FARP1: variants seen among roughly 807,000 people sequenced by gnomAD.
FARP1 encodes the protein FERM, ARHGEF and pleckstrin domain-containing protein 1.
Under a neutral mutation model 128.8 loss-of-function variants are expected in FARP1, and 52 were observed. That is an observed-to-expected ratio of 0.40 (90% CI 0.32 to 0.51). The LOEUF is 0.51. Ranked by LOEUF, FARP1 falls within the 20% of genes least tolerant of loss-of-function variation. FARP1 has a pLI of 0.45. For synonymous variants in FARP1, 580 were observed against 551.8 expected, an observed-to-expected ratio of 1.05 and a Z score of -0.72; for missense variants, 1,333 against 1,367.9, an observed-to-expected ratio of 0.97 and a Z score of 0.40.
At chr13:98,395,100 C>A in intron 12 of FARP1, 127 bp from the exon 13 acceptor site, 1 of 1,131,208 alleles carries the variant, frequency 8.8e-7, no homozygotes, top group Non-Finnish European at 1.2e-6. Context: ...CCAGAGAGCT[C>A]CGGGGCAGTT....
chr13:98,401,305 G>A (rs1890751423), intron 13 of FARP1: 1 of 151,982 alleles, frequency 6.6e-6, no homozygotes, highest in Admixed American at 6.6e-5. Flanking sequence ...GTGAGCACAT[G>A]TACACACCTC....
At chr13:98,273,426 A>C (rs1355079632) in intron 2 of FARP1, among the ~76,000 whole-genome samples, 1 of 152,062 alleles carries the variant, frequency 6.6e-6, no homozygotes, top group East Asian at 1.9e-4. Flanking sequence ...TTGTGCCTAA[A>C]CTCCAAAAGG....
At chr13:98,365,140 C>T (rs1488354391) in intron 3 of FARP1, among the ~76,000 whole-genome samples, 1 of 152,110 alleles carries the variant, frequency 6.6e-6, no homozygotes, top group African/African-American at 2.4e-5. Context: ...GAATAGAAAA[C>T]TTCTTAGTTA....
chr13:98,309,404 C>T (rs1252261013), intron 2 of FARP1, among the ~76,000 whole-genome samples: 2 of 150,628 alleles, frequency 1.3e-5, no homozygotes, highest in East Asian at 2.0e-4. Context: ...CTCCTGACCT[C>T]GTGATCCGCC....
chr13:98,185,935 T>G (rs1594245076), intron 1 of FARP1, among the ~76,000 whole-genome samples: 1 of 152,114 alleles, frequency 6.6e-6, no homozygotes, highest in Admixed American at 6.6e-5. Context: ...TGACCTCAGG[T>G]GATCCGCCTG....
intron 4 of FARP1, among the ~76,000 whole-genome samples, chr13:98,366,746 C>A (rs1167495494): frequency 2.6e-5 from 4 of 152,210 alleles, no homozygotes; most frequent in Non-Finnish European, 5.9e-5. Flanking sequence ...ATAAGTGGTG[C>A]AGCCTTCTCG....
intron 2 of FARP1, among the ~76,000 whole-genome samples, chr13:98,288,514 G>T (rs1231897564): frequency 6.6e-6 from 1 of 152,120 alleles, no homozygotes; most frequent in Admixed American, 6.5e-5. Context: ...ATTTCTCCTT[G>T]GTGCGCTTGT....
At chr13:98,245,965 C>A (rs554762231) in intron 2 of FARP1, among the ~76,000 whole-genome samples, 1 of 151,648 alleles carries the variant, frequency 6.6e-6, no homozygotes, top group South Asian at 2.1e-4. Flanking sequence ...TTAGTAGAGA[C>A]GAGGTTTCAC....
chr13:98,387,749 C>G (rs1338248319), intron 8 of FARP1, among the ~76,000 whole-genome samples: 2 of 152,218 alleles, frequency 1.3e-5, no homozygotes, highest in African/African-American at 4.8e-5. Context: ...CACAGCAGGC[C>G]TGGCCTCCCA....
chr13:98,382,493 AG>A (rs1163509013), intron 6 of FARP1: 1 of 151,072 alleles, frequency 6.6e-6, no homozygotes, highest in African/African-American at 2.4e-5. Context: ...GTGTGTTCTA[AG>A]ATTCATAGGA....
intron 1 of FARP1, among the ~76,000 whole-genome samples, chr13:98,154,256 A>ATCC (rs1876337436): frequency 6.6e-6 from 1 of 152,212 alleles, no homozygotes; most frequent in African/African-American, 2.4e-5. Context: ...AGATTTTGAT[A>ATCC]TGGATGAAGT....
At chr13:98,358,086 TC>T (rs1381894220) in intron 3 of FARP1, among the ~76,000 whole-genome samples, 2 of 151,808 alleles carry the variant, frequency 1.3e-5, no homozygotes, top group African/African-American at 4.8e-5. Context: ...TTTTTTTTTT[TC>T]CTGACCTTGA....
chr13:98,278,992 ATT>A (rs34010258), intron 2 of FARP1, among the ~76,000 whole-genome samples: 75 of 137,736 alleles, frequency 5.4e-4, no homozygotes, highest in South Asian at 9.4e-4. Context: ...CGCCCTGCTA[ATT>A]TTTTTTTTTT....
intron 26 of FARP1, chr13:98,447,478 C>A (rs1892920645): frequency 6.6e-6 from 1 of 152,420 alleles, no homozygotes. Context: ...TCCAGCCTTG[C>A]AGTCCAGATC....
rs559245419 is a variant in FARP1, at chr13:98,384,844, T to G, written c.611T>G (p.Ile204Ser). The G allele has an allele frequency of 1.3e-5, 20 of 1,583,726 alleles. 1 individual carries two copies. In the South Asian group the frequency reaches 2.2e-4, roughly 17 times the overall value. The change falls in exon 7 of 27, where the codon ATT becomes AGT. Residue 204 changes from isoleucine (I) to serine (S), a missense_variant and splice_region_variant. By Grantham distance (142) the Ile-to-Ser change is moderately radical. Transcript: ENST00000319562. ...ATCGTGGAATTTCACCATAACCACA[T>G]GTAAGTCTCATTCTTGGCTTCATAT... ...DKIVEFHHNHIGQTPAESDFQ... is the reference protein window; with the variant it reads ...DKIVEFHHNHSGQTPAESDFQ...
chr13:98,267,492 C>G (rs200245390), intron 2 of FARP1, among the ~76,000 whole-genome samples: 2 of 152,192 alleles, frequency 1.3e-5, no homozygotes, highest in African/African-American at 4.8e-5. Flanking sequence ...TCCCACCCCC[C>G]CATATCCTTC....
chr13:98,239,661 G>T (rs190003686), intron 2 of FARP1, among the ~76,000 whole-genome samples: 5 of 152,278 alleles, frequency 3.3e-5, no homozygotes, highest in Non-Finnish European at 4.4e-5. Context: ...TGGCCTGGGG[G>T]CAGTGGGGAG....
intron 1 of FARP1, among the ~76,000 whole-genome samples, chr13:98,210,144 A>G (rs960772855): frequency 1.3e-5 from 2 of 151,926 alleles, no homozygotes; most frequent in Non-Finnish European, 2.9e-5. Flanking sequence ...ATGAAGGGTG[A>G]CTTTTTCTCA....
intron 17 of FARP1, among the ~76,000 whole-genome samples, chr13:98,428,282 A>G (rs1344226176): frequency 6.6e-6 from 1 of 152,192 alleles, no homozygotes. Context: ...TTGGAAATCA[A>G]TGCAAAGAAA....
Sources: allele counts gnomAD v4.1 joint callset (sites outside exome capture counted in the v4.1 genomes callset), GRCh38; gene constraint gnomAD v4.1.1; transcripts MANE v1.5; gene names NCBI Gene and HGNC (gene_info 2026-07-23, HGNC 2026-07-21).